The following CNTLN variants were observed in gnomAD, a reference collection of about 807,000 sequenced individuals.
CNTLN encodes the protein centlein, centrosomal protein.
In CNTLN, 212 loss-of-function variants were observed where a neutral mutation model predicts 180.0. The ratio of observed to expected loss-of-function variants is 1.18; its 90% CI spans 1.05 to 1.32. The LOEUF is 1.32. CNTLN is among the 40% of genes most tolerant of loss of function. The pLI, the probability that CNTLN is intolerant of heterozygous loss-of-function variation, is 0.00. For synonymous variants in CNTLN, 722 were observed against 563.1 expected (o/e 1.28, Z -3.99); for missense variants, 2,095 against 1,610.9 (o/e 1.30, Z -5.14).
intron 8 of CNTLN, among the ~76,000 whole-genome samples, chr9:17,311,135 C>T (rs1819104493): frequency 2.0e-5 from 3 of 152,090 alleles, no homozygotes; most frequent in Middle Eastern, 6.8e-3. Flanking sequence ...AGCAATTCTC[C>T]TGCCTCAGCC....
intron 12 of CNTLN, among the ~76,000 whole-genome samples, chr9:17,344,193 T>A (rs548600947): frequency 1.3e-5 from 2 of 152,312 alleles, no homozygotes; most frequent in African/African-American, 4.8e-5. Context: ...GAAAAAGTAA[T>A]GAGGCCTTTT....
At chr9:17,496,755 T>C (rs1833477938) in intron 25 of CNTLN, among the ~76,000 whole-genome samples, 1 of 152,204 alleles carries the variant, frequency 6.6e-6, no homozygotes, top group Non-Finnish European at 1.5e-5. Context: ...TTGTTAACAG[T>C]GGACTGTAGA....
chr9:17,380,667 C>G (rs1825174985), intron 13 of CNTLN, among the ~76,000 whole-genome samples: 1 of 152,162 alleles, frequency 6.6e-6, no homozygotes, highest in South Asian at 2.1e-4. Context: ...TCAGTCTTTA[C>G]TGAGTCACAA....
At position 17,500,658 on chromosome 9, in the gene CNTLN, T is replaced by A. The variant is rs566763516; in HGVS notation, c.4120-1893T>A. Among the ~76,000 whole-genome samples, 80 of 152,310 alleles carry A rather than the reference T, an allele frequency of 5.3e-4. 1 individual carries two copies. In the South Asian group the frequency reaches 0.016, roughly 30 times the overall value. ...GACTCTTAAGAGGTAGAAGTTTGGT[T>A]TGTTTCCCAAATGTATTTGATTAGA... On this transcript the variant is annotated intron_variant, in intron 25 of 25. Coordinates refer to ENST00000380647, the MANE Select transcript of CNTLN (RefSeq NM_017738.4).
chr9:17,405,756 T>C (rs1422825993), intron 15 of CNTLN, among the ~76,000 whole-genome samples: 1 of 151,700 alleles, frequency 6.6e-6, no homozygotes, highest in Admixed American at 6.6e-5. Context: ...ATGTATCCAT[T>C]CTATACCTCA....
intron 5 of CNTLN, among the ~76,000 whole-genome samples, chr9:17,246,010 T>C (rs1825778820): frequency 6.6e-6 from 1 of 152,138 alleles, no homozygotes; most frequent in Non-Finnish European, 1.5e-5. Flanking sequence ...AGATCACATA[T>C]CTGTGTCTCT....
At chr9:17,462,262 C>G (rs1030217848) in intron 19 of CNTLN, among the ~76,000 whole-genome samples, 1 of 151,734 alleles carries the variant, frequency 6.6e-6, no homozygotes, top group Non-Finnish European at 1.5e-5. Flanking sequence ...AATAGCCTCA[C>G]TCATAGATCG....
intron 25 of CNTLN, among the ~76,000 whole-genome samples, chr9:17,498,328 A>C (rs1265735567): frequency 2.6e-5 from 4 of 152,160 alleles, no homozygotes; most frequent in Non-Finnish European, 5.9e-5. Flanking sequence ...TATCATTTAT[A>C]TGTCACCTCT....
chr9:17,458,445 A>G (rs927002008), intron 19 of CNTLN, among the ~76,000 whole-genome samples: 1 of 151,958 alleles, frequency 6.6e-6, no homozygotes, highest in Admixed American at 6.6e-5. Context: ...AGAGCAGTAT[A>G]TATGGGACCA....
intron 18 of CNTLN, among the ~76,000 whole-genome samples, chr9:17,443,516 A>G (rs1830229068): frequency 6.6e-6 from 1 of 152,202 alleles, no homozygotes; most frequent in Admixed American, 6.5e-5. Flanking sequence ...ATGTGTATAT[A>G]TTCTAAAAGT....
At chr9:17,335,273 C>T (rs996728746) in intron 10 of CNTLN, among the ~76,000 whole-genome samples, 1 of 152,168 alleles carries the variant, frequency 6.6e-6, no homozygotes, top group African/African-American at 2.4e-5. Flanking sequence ...AATCCCAGCA[C>T]TTTGGGAGGC....
chr9:17,312,372 A>T (rs1314622799), intron 8 of CNTLN, among the ~76,000 whole-genome samples: 3 of 52,052 alleles, frequency 5.8e-5, no homozygotes, highest in Admixed American at 4.2e-4. Flanking sequence ...TATTATATAT[A>T]TATATATATA....
At chr9:17,266,371 G>A (rs1286178040) in intron 5 of CNTLN, among the ~76,000 whole-genome samples, 1 of 152,166 alleles carries the variant, frequency 6.6e-6, no homozygotes, top group Non-Finnish European at 1.5e-5. Flanking sequence ...TTAATCCTGA[G>A]TTCTAGTTTG....
chr9:17,272,196 C>T (rs1828002389), intron 5 of CNTLN, among the ~76,000 whole-genome samples: 1 of 149,182 alleles, frequency 6.7e-6, no homozygotes, highest in African/African-American at 2.5e-5. Context: ...TTTGCCTCAG[C>T]CTCCTGAATA....
chr9:17,497,654 C>A (rs1833531625), intron 25 of CNTLN, among the ~76,000 whole-genome samples: 1 of 152,134 alleles, frequency 6.6e-6, no homozygotes, highest in South Asian at 2.1e-4. Flanking sequence ...GCAGGCACAG[C>A]CTTCTCTGTC....
intron 2 of CNTLN, among the ~76,000 whole-genome samples, chr9:17,188,898 G>T (rs1472401773): frequency 6.6e-6 from 1 of 151,474 alleles, no homozygotes; most frequent in South Asian, 2.1e-4. Flanking sequence ...CCAGATTATG[G>T]ATTATGTGTT....
chr9:17,318,256 C>A (rs905541114), intron 8 of CNTLN, among the ~76,000 whole-genome samples: 2 of 151,994 alleles, frequency 1.3e-5, no homozygotes, highest in Non-Finnish European at 2.9e-5. Context: ...GTCTCGGTTT[C>A]CTGACCTCGT....
At chr9:17,486,677 C>T (rs1043086704) in intron 24 of CNTLN, among the ~76,000 whole-genome samples, 8 of 152,022 alleles carry the variant, frequency 5.3e-5, no homozygotes, top group Non-Finnish European at 1.5e-5. Context: ...TTTTATATAA[C>T]TCCATCTGAT....
At chr9:17,192,673 C>T (rs900067432) in intron 2 of CNTLN, among the ~76,000 whole-genome samples, 13 of 152,092 alleles carry the variant, frequency 8.5e-5, no homozygotes, top group Non-Finnish European at 1.6e-4. Context: ...GTTCCAGAGC[C>T]CCTTGTTTGT....
Sources: gnomAD v4.1 joint callset for allele counts (sites outside exome capture counted in the v4.1 genomes callset) on GRCh38, gnomAD v4.1.1 for gene constraint, MANE v1.5 for transcripts, NCBI Gene and HGNC (gene_info 2026-07-23, HGNC 2026-07-21) for gene names.